Variants in PIGL observed in about 807,000 individuals in gnomAD.
PIGL encodes the protein phosphatidylinositol glycan anchor biosynthesis class L.
PIGL carries 22 observed loss-of-function variants against 31.1 expected under a neutral mutation model. The observed-to-expected ratio is 0.71, with a 90% confidence interval of 0.51 to 1.01. PIGL has a LOEUF of 1.01. PIGL is among the 50% of genes least tolerant of loss of function. PIGL has a pLI of 0.00. For missense variants in PIGL, 302 were observed against 315.9 expected (o/e 0.96, Z 0.33); for synonymous variants, 131 against 117.4 (o/e 1.12, Z -0.75).
In PIGL at chr17:16,231,577, T is replaced by G. The variant is rs1372791112; in HGVS notation, c.236-2394T>G. Among the ~76,000 whole-genome samples, 3 of 152,102 alleles carry G rather than the reference T, an allele frequency of 2.0e-5. No homozygotes were observed. In the South Asian group the frequency reaches 6.2e-4, roughly 31 times the overall value. On this transcript the variant is annotated intron_variant, in intron 1 of 6. Transcript: ENST00000225609. ...TAACCATATAAATCTATTACCTATTTAGAATAAACTAATTTTAAATTTTTT... is the reference window on the plus strand; with the variant it reads ...TAACCATATAAATCTATTACCTATTGAGAATAAACTAATTTTAAATTTTTT...
At chr17:16,278,984 T>C (rs998018420) in intron 2 of PIGL, among the ~76,000 whole-genome samples, 5 of 152,214 alleles carry the variant, frequency 3.3e-5, no homozygotes, top group African/African-American at 7.2e-5. Flanking sequence ...TGCCAGTTTC[T>C]TAAATGGATT....
chr17:16,282,997 C>CA (rs1303293466), intron 2 of PIGL, among the ~76,000 whole-genome samples: 1 of 135,772 alleles, frequency 7.4e-6, no homozygotes, highest in Non-Finnish European at 1.6e-5. Context: ...CCATGTCTAC[C>CA]AAAAAAGAAT....
At chr17:16,249,799 T>G (rs1289802635) in intron 2 of PIGL, among the ~76,000 whole-genome samples, 1 of 152,232 alleles carries the variant, frequency 6.6e-6, no homozygotes, top group Non-Finnish European at 1.5e-5. Context: ...GTATTGTGCC[T>G]ACCTACATTG....
chr17:16,253,289 G>A (rs1021468105), intron 2 of PIGL, among the ~76,000 whole-genome samples: 6 of 151,966 alleles, frequency 3.9e-5, no homozygotes, highest in African/African-American at 1.2e-4. Flanking sequence ...CAACAAAAAC[G>A]TAAAACAAAC....
intron 6 of PIGL, chr17:16,324,310 C>T (rs1166334190): frequency 1.3e-5 from 2 of 151,628 alleles, no homozygotes; most frequent in Non-Finnish European, 2.9e-5. Context: ...TAATGGTTTT[C>T]CCTTTATCTT....
chr17:16,256,727 G>T (rs1054825002), intron 2 of PIGL, among the ~76,000 whole-genome samples: 1 of 151,266 alleles, frequency 6.6e-6, no homozygotes, highest in African/African-American at 2.4e-5. Context: ...TTGAGACAGG[G>T]TATCACTCTG....
chr17:16,221,030 C>A (rs533166780), intron 1 of PIGL, among the ~76,000 whole-genome samples: 1 of 151,986 alleles, frequency 6.6e-6, no homozygotes, highest in African/African-American at 2.4e-5. Flanking sequence ...AGAGCAAGAC[C>A]CTGTCTTTAT....
chr17:16,314,677 T>G (rs918771524), intron 4 of PIGL, among the ~76,000 whole-genome samples: 1 of 152,222 alleles, frequency 6.6e-6, no homozygotes, highest in African/African-American at 2.4e-5. Context: ...ATTCGGTTCC[T>G]GGTCCAGCCA....
chr17:16,249,652 G>C (rs2092762717), intron 2 of PIGL, among the ~76,000 whole-genome samples: 1 of 152,200 alleles, frequency 6.6e-6, no homozygotes, highest in African/African-American at 2.4e-5. Context: ...AAACAAGCAG[G>C]CCACTGGTAT....
intron 2 of PIGL, among the ~76,000 whole-genome samples, chr17:16,241,595 G>A (rs1430644593): frequency 6.6e-6 from 1 of 151,856 alleles, no homozygotes; most frequent in African/African-American, 2.4e-5. Flanking sequence ...TCTTTGGGGT[G>A]AATGAAATTG....
At position 16,244,768 on chromosome 17, in the gene PIGL, G is replaced by A. The variant is rs567636966; in HGVS notation, c.335+10698G>A. 5.5e-4 allele frequency among the ~76,000 whole-genome samples: 84 copies of A among 152,154 alleles called. 1 individual carries two copies. The highest frequency in any genetic ancestry group is 1.9e-3 in the African/African-American group (78 of 41,524). On this transcript the variant is annotated intron_variant, in intron 2 of 6. Coordinates refer to ENST00000225609, the MANE Select transcript of PIGL (RefSeq NM_004278.4). Reference sequence around the variant, plus strand: ...TGGCTTACTGCAGCCTCCACCTCCCGGGCTCAAGTGACCCTCCTGCCTCAG... The same window carrying A: ...TGGCTTACTGCAGCCTCCACCTCCCAGGCTCAAGTGACCCTCCTGCCTCAG...
At chr17:16,224,859 T>C (rs548972035) in intron 1 of PIGL, among the ~76,000 whole-genome samples, 5 of 152,084 alleles carry the variant, frequency 3.3e-5, no homozygotes, top group Non-Finnish European at 7.4e-5. Flanking sequence ...GGTTTCACCG[T>C]GTTAGCCAGG....
At chr17:16,217,646 A>AATATCAT in intron 1 of PIGL, 185 bp downstream of exon 1, 1 of 511,626 alleles carries the variant, frequency 2.0e-6, no homozygotes, top group Non-Finnish European at 3.4e-6. Flanking sequence ...GGGTTGGGGG[A>AATATCAT]CGTCGGCAGC....
At chr17:16,325,172 T>C (rs1364325324) in intron 6 of PIGL, among the ~76,000 whole-genome samples, 2 of 151,892 alleles carry the variant, frequency 1.3e-5, no homozygotes, top group Non-Finnish European at 2.9e-5. Flanking sequence ...AGTGAAACCC[T>C]GCCTCTACTA....
chr17:16,293,544 T>A (rs572681032), intron 2 of PIGL, among the ~76,000 whole-genome samples: 2 of 152,174 alleles, frequency 1.3e-5, no homozygotes, highest in South Asian at 4.2e-4. Flanking sequence ...GAAAAAAAAA[T>A]TGCAATCTTT....
At chr17:16,295,276 C>T (rs1022024385) in intron 2 of PIGL, among the ~76,000 whole-genome samples, 6 of 151,572 alleles carry the variant, frequency 4.0e-5, no homozygotes, top group African/African-American at 9.7e-5. Flanking sequence ...TGGTGGCGCA[C>T]GCCTGTAATC....
chr17:16,224,671 C>T (rs1001449345), intron 1 of PIGL, among the ~76,000 whole-genome samples: 17 of 151,438 alleles, frequency 1.1e-4, no homozygotes, highest in African/African-American at 3.9e-4. Flanking sequence ...ATTTTTTCCC[C>T]CTTGTGACAG....
intron 2 of PIGL, among the ~76,000 whole-genome samples, chr17:16,294,794 C>T (rs1413193688): frequency 6.6e-6 from 1 of 152,184 alleles, no homozygotes; most frequent in South Asian, 2.1e-4. Flanking sequence ...CCATCCTCCA[C>T]CCTAAGTGGC....
At chr17:16,311,297 CT>C (rs141385032) in intron 3 of PIGL, among the ~76,000 whole-genome samples, 33 of 147,706 alleles carry the variant, frequency 2.2e-4, no homozygotes, top group Middle Eastern at 3.5e-3. Flanking sequence ...TTTGTTTTTT[CT>C]TTTTTTTAGC....
Sources: gnomAD v4.1 joint callset for allele counts (sites outside exome capture counted in the v4.1 genomes callset) on GRCh38, gnomAD v4.1.1 for gene constraint, MANE v1.5 for transcripts, NCBI Gene and HGNC (gene_info 2026-07-23, HGNC 2026-07-21) for gene names.